Variants in MYO10 observed in about 807,000 individuals in gnomAD.
The protein encoded by MYO10 is unconventional myosin-X.
A neutral mutation model predicts 257.3 loss-of-function variants in MYO10; 133 were observed. The ratio of observed to expected loss-of-function variants is 0.52; its 90% confidence interval spans 0.45 to 0.60. The LOEUF (loss-of-function observed/expected upper bound fraction) is 0.60, where lower values mean the gene tolerates loss of function less well. Ranked by LOEUF, MYO10 falls within the 20% of genes least tolerant of loss-of-function variation. The probability of loss-of-function intolerance (pLI) is 0.00; values close to 1 mark genes in which losing one functional copy is unlikely to be tolerated. For synonymous variants in MYO10, 1,104 were observed against 1,028.6 expected (o/e 1.07, Z -1.40); for missense variants, 2,399 against 2,635.7 (o/e 0.91, Z 1.97).
rs1482400688 is a variant in MYO10, at chr5:16,701,173, G to A, written c.3222C>T (p.Cys1074=). The A allele has an allele frequency of 1.2e-6, 2 of 1,607,172 alleles. No individual in the cohort carries two copies. The highest frequency in any genetic ancestry group is 1.7e-6 in the Non-Finnish European group (2 of 1,176,954). ...HNSSSGESTY[C]MPQNAGDLPS... is the part of the protein sequence containing the mutation. The stretch of plus-strand genomic sequence containing the variant: ...GCAAGTCCCCAGCGTTCTGGGGCAT[G>A]CAGTAGGTGGACTCGCCGCTGGAGG... The change falls in exon 25 of 41, where the codon TGC becomes TGT. Residue 1074 remains cysteine, a synonymous_variant. Coordinates refer to ENST00000513610, the MANE Select transcript of MYO10 (RefSeq NM_012334.3). This position sits in a 1 kb window ranked among gnomAD's most constrained non-coding sequence, Gnocchi z 8.1.
chr5:16,781,723 C>T lies in MYO10; in HGVS notation c.709G>A (p.Gly237Ser). 1 of 1,613,788 alleles carries T rather than the reference C, an allele frequency of 6.2e-7. No homozygotes were observed. The highest frequency in any genetic ancestry group is 8.5e-7 in the Non-Finnish European group (1 of 1,179,786). Residue 237 changes from glycine (G) to serine (S), a missense_variant, in exon 6 of 41, where the codon GGC becomes AGC. By Grantham distance (56) the Gly-to-Ser change is moderately conservative. Transcript: ENST00000513610. The stretch of plus-strand genomic sequence containing the variant: ...AGGATACAATCTACAATTCTCCCGC[C>T]CTGAATATTTCCTTTCTGACAGATG... ...LNICQKGNIQ[G>S]GRIVDYLLEK...
intron 30 of MYO10, 39 bp downstream of exon 30, chr5:16,683,841 T>G: frequency 1.9e-6 from 3 of 1,603,102 alleles, no homozygotes; most frequent in Non-Finnish European, 2.6e-6. Context: ...CACACACAGG[T>G]GATGAGCTGT....
intron 1 of MYO10, among the ~76,000 whole-genome samples, chr5:16,907,513 A>C (rs1366602): frequency 0.073 from 11,091 of 152,238 alleles, 511 homozygotes; most frequent in African/African-American, 0.12. Flanking sequence ...TATTGAAAAA[A>C]AGAAAAAAAA....
At position 16,694,396 on chromosome 5, in the gene MYO10, C is replaced by T; in HGVS notation, c.3775G>A (p.Gly1259Ser). The change falls in exon 27 of 41, where the codon GGC becomes AGC. Residue 1259 changes from glycine (G) to serine (S), a missense_variant. Gly to Ser is a moderately conservative substitution (Grantham distance 56, BLOSUM62 0). Transcript: ENST00000513610. ...TTTGCCGTTCGCACTTCTACGGTGCCCTTGAGCTTCTCCTCGCTGTCGTTT... is the reference window on the plus strand; with the variant it reads ...TTTGCCGTTCGCACTTCTACGGTGCTCTTGAGCTTCTCCTCGCTGTCGTTT... ...FENDSEEKLKGTVEVRTAKEI... is the reference protein window; with the variant it reads ...FENDSEEKLKSTVEVRTAKEI... 6.2e-7 allele frequency: 1 copy of T among 1,613,990 alleles called. No individual in the cohort carries two copies. Among genetic ancestry groups the T allele is most frequent in the African/African-American group, 1.3e-5 (1 of 75,028 alleles).
Position 16,670,643 on chromosome 5 carries a change from G to C in MYO10, c.5766C>G (p.Ala1922=). Residue 1922 remains alanine (A), a synonymous_variant, in exon 39 of 41, where the codon GCC becomes GCG. Coordinates refer to ENST00000513610, the MANE Select transcript of MYO10 (RefSeq NM_012334.3). ...ATTTCCTCCACTTGTCAATGATACTGGCTCGAGCAGAGGAGACTTCTTCCT... is the reference window on the plus strand; with the variant it reads ...ATTTCCTCCACTTGTCAATGATACTCGCTCGAGCAGAGGAGACTTCTTCCT... ...WIKEEVSSAR[A]SIIDKWRKFQ... The C allele has an allele frequency of 6.2e-7, 1 of 1,613,994 alleles. No homozygotes were observed. The highest frequency in any genetic ancestry group is 8.5e-7 in the Non-Finnish European group (1 of 1,179,886).
rs1163705941 is a variant in MYO10 at position 16,662,137 on chromosome 5, C to T, written c.*4555G>A. On this transcript the variant is annotated 3_prime_UTR_variant, in exon 41 of 41. Transcript: ENST00000513610. ...TAGCTTTATGCACTTGTTTTGTCCC[C>T]TATTACAGTATAAACTTTTGGTGAA... The T allele has an allele frequency of 6.6e-6, 1 of 151,982 alleles. No individual in the cohort carries two copies. Among genetic ancestry groups the T allele is most frequent in the Non-Finnish European group, 1.5e-5 (1 of 68,002 alleles). 9.4% of individuals were successfully genotyped at this position (151,982 alleles called of 1,614,324 possible).
intron 9 of MYO10, 138 bp from the exon 10 acceptor site, chr5:16,769,341 T>C (rs956407775): frequency 6.1e-5 from 61 of 1,005,220 alleles, no homozygotes; most frequent in East Asian, 9.2e-5. Flanking sequence ...ACCACTCACT[T>C]GTTTTTTTGT....
chr5:16,695,938 C>T (rs1737726743), intron 26 of MYO10, among the ~76,000 whole-genome samples: 1 of 152,142 alleles, frequency 6.6e-6, no homozygotes. Flanking sequence ...AGAGCCGTGT[C>T]CTAACATATG....
At chr5:16,882,209 C>T (rs140151170) in intron 1 of MYO10, among the ~76,000 whole-genome samples, 35 of 152,230 alleles carry the variant, frequency 2.3e-4, no homozygotes, top group African/African-American at 1.9e-4. Flanking sequence ...TTTCTTCAAA[C>T]GTAAGGTTCA....
At chr5:16,930,278 G>T (rs76306811) in intron 1 of MYO10, among the ~76,000 whole-genome samples, 6,889 of 152,250 alleles carry the variant, frequency 0.045, 172 homozygotes, top group African/African-American at 0.056. Flanking sequence ...TCGATAGACA[G>T]AGAGGCCTGC....
At chr5:16,918,277 G>A (rs527459458) in intron 1 of MYO10, among the ~76,000 whole-genome samples, 2 of 151,384 alleles carry the variant, frequency 1.3e-5, no homozygotes, top group Admixed American at 1.3e-4. Flanking sequence ...AAGGCAGATA[G>A]AAGCATCAGC....
intron 2 of MYO10, among the ~76,000 whole-genome samples, chr5:16,823,724 G>A (rs1398519683): frequency 1.3e-5 from 2 of 150,040 alleles, no homozygotes; most frequent in African/African-American, 2.4e-5. Context: ...TGCCCGCCTT[G>A]GCCTCCCAAA....
chr5:16,705,937 T>C (rs1738310802), intron 21 of MYO10, among the ~76,000 whole-genome samples: 1 of 152,194 alleles, frequency 6.6e-6, no homozygotes, highest in Non-Finnish European at 1.5e-5. Flanking sequence ...ATCCCAGCAC[T>C]CTGGGAGGCC....
chr5:16,732,954 C>T (rs1739645307), intron 19 of MYO10, among the ~76,000 whole-genome samples: 1 of 152,058 alleles, frequency 6.6e-6, no homozygotes, highest in Non-Finnish European at 1.5e-5. Context: ...GCCAACATGG[C>T]AAAACCCCAT....
chr5:16,673,874 A>T lies in MYO10; in HGVS notation c.4980T>A (p.Phe1660Leu), dbSNP rs765561441. The T allele has an allele frequency of 6.2e-7, 1 of 1,613,976 alleles. No individual in the cohort carries two copies. Among genetic ancestry groups the T allele is most frequent in the Non-Finnish European group, 8.5e-7 (1 of 1,179,862 alleles). Reference sequence around the variant, plus strand: ...CGTATTTTTCCATCTCGCTTCCTGGAAACTGTTCCCGTATCCTAGGAGGCA... The same window carrying T: ...CGTATTTTTCCATCTCGCTTCCTGGTAACTGTTCCCGTATCCTAGGAGGCA... ...KFHLKRIREQ[F>L]PGSEMEKYAL... is the part of the protein sequence containing the mutation. Residue 1660 changes from phenylalanine to leucine, a missense_variant, in exon 36 of 41, where the codon TTT (phenylalanine) becomes TTA (leucine). Phe to Leu is a conservative substitution (Grantham distance 22). This residue lies in a region of MYO10 where 1,820 missense variants were observed against 1,939.4 expected (regional missense o/e 0.94). Coordinates refer to ENST00000513610, the MANE Select transcript of MYO10 (RefSeq NM_012334.3).
At chr5:16,900,484 C>T (rs1005149567) in intron 1 of MYO10, among the ~76,000 whole-genome samples, 4 of 152,130 alleles carry the variant, frequency 2.6e-5, no homozygotes, top group African/African-American at 9.7e-5. Context: ...GGTCTGAAGA[C>T]TGACTGCAGA....
intron 38 of MYO10, 118 bp downstream of exon 38, chr5:16,671,304 C>G (rs1736449236): frequency 3.1e-6 from 4 of 1,282,558 alleles, no homozygotes; most frequent in Admixed American, 5.2e-5. Context: ...CTTGTCTTTG[C>G]TGGGAAATCC....
At chr5:16,872,149 G>A (rs567588440) in intron 2 of MYO10, among the ~76,000 whole-genome samples, 17 of 152,140 alleles carry the variant, frequency 1.1e-4, no homozygotes, top group Non-Finnish European at 1.9e-4. Flanking sequence ...CCAGACTGCC[G>A]ACCACAAGTC....
At chr5:16,798,339 AT>A (rs970751691) in intron 3 of MYO10, among the ~76,000 whole-genome samples, 6 of 128,542 alleles carry the variant, frequency 4.7e-5, no homozygotes, top group African/African-American at 1.6e-4. Context: ...TGTTAAATGA[AT>A]TTCACCTTAA....
Sources: allele counts gnomAD v4.1 joint callset (sites outside exome capture counted in the v4.1 genomes callset), GRCh38; gene constraint gnomAD v4.1.1; regional missense constraint gnomAD v4.1.1; non-coding constraint Gnocchi (gnomAD v3.1); transcripts MANE v1.5; gene names NCBI Gene and HGNC (gene_info 2026-07-23, HGNC 2026-07-21).